The following NKAIN3 variants were observed in gnomAD, a reference collection of about 807,000 sequenced individuals.
The protein encoded by NKAIN3 is sodium/potassium transporting ATPase interacting 3, also known as sodium/potassium-transporting ATPase subunit beta-1-interacting protein 3.
A neutral mutation model predicts 30.2 loss-of-function variants in NKAIN3; 25 were observed. The ratio of observed to expected loss-of-function variants is 0.83; its 90% CI spans 0.60 to 1.16. NKAIN3 has a LOEUF of 1.16. Among genes scored for constraint, NKAIN3 ranks in the 50% most tolerant of loss-of-function variants. NKAIN3 has a pLI of 0.00. For synonymous variants in NKAIN3, 91 were observed against 89.6 expected, an observed-to-expected ratio of 1.02 and a Z score of -0.09; for missense variants, 225 against 254.1, an observed-to-expected ratio of 0.89 and a Z score of 0.78.
chr8:62,897,630 T>C (rs1821471444), intron 4 of NKAIN3, among the ~76,000 whole-genome samples: 1 of 152,106 alleles, frequency 6.6e-6, no homozygotes, highest in South Asian at 2.1e-4. Flanking sequence ...CCAAAACTCA[T>C]GTTGAAATTT....
chr8:62,790,103 G>C (rs1355629196), intron 4 of NKAIN3, among the ~76,000 whole-genome samples: 2 of 152,110 alleles, frequency 1.3e-5, no homozygotes, highest in Non-Finnish European at 2.9e-5. Context: ...GCAGCAAAAA[G>C]CTTATCCACC....
intron 3 of NKAIN3, among the ~76,000 whole-genome samples, chr8:62,718,551 G>A (rs1814981216): frequency 6.6e-6 from 1 of 152,064 alleles, no homozygotes; most frequent in African/African-American, 2.4e-5. Flanking sequence ...TTATTTATAG[G>A]AATATTGTTC....
intron 1 of NKAIN3, among the ~76,000 whole-genome samples, chr8:62,277,075 A>G (rs1230527586): frequency 6.6e-6 from 1 of 152,168 alleles, no homozygotes; most frequent in African/African-American, 2.4e-5. Flanking sequence ...TTTAATAATG[A>G]TGCATATGGA....
chr8:62,516,591 T>G (rs752009333), intron 1 of NKAIN3, among the ~76,000 whole-genome samples: 7 of 152,140 alleles, frequency 4.6e-5, no homozygotes, highest in Non-Finnish European at 8.8e-5. Context: ...TGAGGAAAAT[T>G]AAGATCTTTA....
chr8:62,622,294 T>C (rs1287037121), intron 3 of NKAIN3, among the ~76,000 whole-genome samples: 1 of 152,076 alleles, frequency 6.6e-6, no homozygotes, highest in African/African-American at 2.4e-5. Context: ...TTCTCTGTGA[T>C]AAATGCCCGA....
In NKAIN3 at chr8:62,667,853, A is replaced by G. The variant is rs575661933; in HGVS notation, c.273+78059A>G. Among the ~76,000 whole-genome samples the G allele has an allele frequency of 2.0e-5, 3 of 152,154 alleles. No individual in the cohort carries two copies. In the East Asian group the frequency reaches 5.8e-4, roughly 29 times the overall value. On this transcript the variant is annotated intron_variant, in intron 3 of 6. Transcript: ENST00000623646. ...ACCTCTCCAACTTGCCTCTTTTACA[A>G]TCATCCACCCACACTTACTTTCAAG...
At chr8:62,374,056 T>G (rs545643422) in intron 1 of NKAIN3, among the ~76,000 whole-genome samples, 137 of 134,190 alleles carry the variant, frequency 1.0e-3, no homozygotes, top group South Asian at 6.7e-3. Context: ...GAGGTTGCAC[T>G]GAGCCAAGAT....
chr8:62,374,603 A>G (rs770490761), intron 1 of NKAIN3, among the ~76,000 whole-genome samples: 2 of 152,232 alleles, frequency 1.3e-5, no homozygotes, highest in Non-Finnish European at 2.9e-5. Flanking sequence ...TTGTACATTG[A>G]TACAGTCAAT....
intron 3 of NKAIN3, among the ~76,000 whole-genome samples, chr8:62,724,042 G>T (rs1353231339): frequency 6.6e-6 from 1 of 151,976 alleles, no homozygotes; most frequent in Non-Finnish European, 1.5e-5. Context: ...TGAGTTATTG[G>T]TAGGAAACTG....
At chr8:62,933,678 T>C (rs1356897074) in intron 5 of NKAIN3, among the ~76,000 whole-genome samples, 2 of 152,182 alleles carry the variant, frequency 1.3e-5, no homozygotes, top group Non-Finnish European at 2.9e-5. Flanking sequence ...TTGTCAGCAC[T>C]GAGTATGAGA....
chr8:62,558,953 T>A (rs1406616790), intron 1 of NKAIN3, among the ~76,000 whole-genome samples: 1 of 152,062 alleles, frequency 6.6e-6, no homozygotes, highest in Non-Finnish European at 1.5e-5. Context: ...TAATTAGAAG[T>A]GTGTTGTTTA....
chr8:62,656,656 G>A (rs113927992), intron 3 of NKAIN3, among the ~76,000 whole-genome samples: 16 of 152,168 alleles, frequency 1.1e-4, no homozygotes, highest in East Asian at 3.9e-4. Context: ...TTGAATTTGC[G>A]AATTGCGATA....
At chr8:62,918,271 A>T (rs1351460380) in intron 4 of NKAIN3, among the ~76,000 whole-genome samples, 182 bp from the exon 5 acceptor site, 1 of 152,240 alleles carries the variant, frequency 6.6e-6, no homozygotes, top group Admixed American at 6.5e-5. Context: ...TTAGAAAGCT[A>T]TTAAGGCTGC....
At chr8:62,524,725 C>T (rs566764600) in intron 1 of NKAIN3, among the ~76,000 whole-genome samples, 4 of 152,244 alleles carry the variant, frequency 2.6e-5, no homozygotes, top group East Asian at 1.9e-4. Context: ...AGGTTTTAAG[C>T]GGAAGAGCTG....
chr8:62,782,081 G>GA lies in NKAIN3; in HGVS notation c.471+34958dup, dbSNP rs148143342. Among the ~76,000 whole-genome samples, 1,292 of 151,164 alleles carry GA rather than the reference G, an allele frequency of 8.5e-3. 42 individuals carry two copies. The East Asian group carries it at 0.09, about 11-fold the overall frequency. On this transcript the variant is annotated intron_variant, in intron 4 of 6. Transcript: ENST00000623646. Reference sequence around the variant, plus strand: ...TCCAGAATATACAAGAACTCAACAGGAAAAAATTCTCATTAAAAAATGGAA... The same window carrying GA: ...TCCAGAATATACAAGAACTCAACAGGAAAAAAATTCTCATTAAAAAATGGAA...
intron 1 of NKAIN3, among the ~76,000 whole-genome samples, chr8:62,440,954 A>G (rs747899898): frequency 6.6e-6 from 1 of 152,052 alleles, no homozygotes; most frequent in Non-Finnish European, 1.5e-5. Flanking sequence ...ATCATCCTCA[A>G]TGCGGAACCT....
Position 62,814,600 on chromosome 8 carries a change from T to C in NKAIN3, c.471+67471T>C, listed in dbSNP as rs565372464. Among the ~76,000 whole-genome samples, 390 of 151,990 alleles carry C rather than the reference T, an allele frequency of 2.6e-3. 2 individuals carry two copies. Among genetic ancestry groups the C allele is most frequent in the African/African-American group, 9.0e-3 (372 of 41,450 alleles). On this transcript the variant is annotated intron_variant, in intron 4 of 6. Transcript: ENST00000623646. Reference sequence around the variant, plus strand: ...ACTCACTCAAAACCACTCAAATACATGGAAACTGAACAACCTGCTCCTGAA... The same window carrying C: ...ACTCACTCAAAACCACTCAAATACACGGAAACTGAACAACCTGCTCCTGAA...
rs554754307 is a variant in NKAIN3, at chr8:62,376,713, G to T, written c.54+127586G>T. Among the ~76,000 whole-genome samples the T allele has an allele frequency of 7.9e-5, 12 of 152,136 alleles. No homozygotes were observed. The South Asian group carries it at 1.5e-3, about 18-fold the overall frequency. ...CCTATATTCAAATGTTCAGCCTAGGGATTATATCATGGGGATTAAAAATGC... is the reference window on the plus strand; with the variant it reads ...CCTATATTCAAATGTTCAGCCTAGGTATTATATCATGGGGATTAAAAATGC... On this transcript the variant is annotated intron_variant, in intron 1 of 6. Coordinates refer to ENST00000623646, the MANE Select transcript of NKAIN3 (RefSeq NM_001304533.3).
At chr8:62,357,117 A>T (rs181271563) in intron 1 of NKAIN3, among the ~76,000 whole-genome samples, 67 of 151,942 alleles carry the variant, frequency 4.4e-4, no homozygotes, top group Non-Finnish European at 8.4e-4. Context: ...TAAAAAACAA[A>T]CAAACAAACA....
Sources: allele counts gnomAD v4.1 joint callset (sites outside exome capture counted in the v4.1 genomes callset), GRCh38; gene constraint gnomAD v4.1.1; transcripts MANE v1.5; gene names NCBI Gene and HGNC (gene_info 2026-07-23, HGNC 2026-07-21).